The following CTH variants were observed in gnomAD, a reference collection of about 807,000 sequenced individuals.
CTH encodes the protein cystathionase (cystathionine gamma-lyase).
In CTH, 41 loss-of-function variants were observed where a neutral mutation model predicts 50.6. The ratio of observed to expected loss-of-function variants is 0.81; its 90% CI spans 0.63 to 1.05. CTH has a LOEUF of 1.05. Among genes scored for constraint, CTH ranks in the 50% least tolerant of loss-of-function variants. The pLI is 0.00. For missense variants in CTH, 470 were observed against 492.6 expected, an observed-to-expected ratio of 0.95 and a Z score of 0.43; for synonymous variants, 156 against 168.9, an observed-to-expected ratio of 0.92 and a Z score of 0.59.
At chr1:70,424,169 T>G in intron 4 of CTH, 116 bp from the exon 5 acceptor site, 1 of 1,574,342 alleles carries the variant, frequency 6.4e-7, no homozygotes, top group Non-Finnish European at 8.7e-7. Context: ...CCTCCCAACA[T>G]CATCATCCAT....
chr1:70,418,808 T>G (rs1235709966), intron 3 of CTH, among the ~76,000 whole-genome samples: 1 of 152,172 alleles, frequency 6.6e-6, no homozygotes, highest in Non-Finnish European at 1.5e-5. Flanking sequence ...GATATGGGCC[T>G]CTTTTCCCAA....
intron 10 of CTH, among the ~76,000 whole-genome samples, chr1:70,437,711 A>G (rs959135130): frequency 2.6e-5 from 4 of 152,224 alleles, no homozygotes; most frequent in Admixed American, 2.0e-4. Context: ...AAAGTGACAA[A>G]GGAAGATATC....
At chr1:70,421,017 TA>T (rs1684208888) in intron 3 of CTH, among the ~76,000 whole-genome samples, 1 of 152,160 alleles carries the variant, frequency 6.6e-6, no homozygotes, top group Non-Finnish European at 1.5e-5. Context: ...GGTGTATTTA[TA>T]AAAAATTATT....
At chr1:70,436,293 A>C (rs997880396) in intron 10 of CTH, among the ~76,000 whole-genome samples, 2 of 152,276 alleles carry the variant, frequency 1.3e-5, no homozygotes, top group East Asian at 1.9e-4. Flanking sequence ...GCACCACTGC[A>C]CTCCAGCCTG....
Position 70,438,386 on chromosome 1 carries a change from T to C in CTH, c.1053-302T>C, listed in dbSNP as rs35356635. Among the ~76,000 whole-genome samples, 16 of 152,318 alleles carry C rather than the reference T, an allele frequency of 1.1e-4. No individual in the cohort carries two copies. In the East Asian group the frequency reaches 2.9e-3, roughly 28 times the overall value. On this transcript the variant is annotated intron_variant, in intron 10 of 11. Coordinates refer to ENST00000370938, the MANE Select transcript of CTH (RefSeq NM_001902.6). ...TTAGGCAGGTATTAAAATATACACA[T>C]TGGGGAGGCTATGCCTTACCCTACT...
chr1:70,432,132 T>C lies in CTH; in HGVS notation c.774T>C (p.Gly258=). 2.5e-6 allele frequency: 4 copies of C among 1,614,124 alleles called. No individual in the cohort carries two copies. The highest frequency in any genetic ancestry group is 3.4e-6 in the Non-Finnish European group (4 of 1,180,006). The part of the protein sequence containing the change: ...SPIDCYLCNR[G]LKTLHVRMEK... ...TTGATTGTTACCTCTGCAATCGAGG[T>C]CTGAAGACTCTACATGTCCGAATGG... The change falls in exon 8 of 12, where the codon GGT becomes GGC. Residue 258 remains glycine (G), a synonymous_variant. Coordinates refer to ENST00000370938, the MANE Select transcript of CTH (RefSeq NM_001902.6).
At chr1:70,418,112 T>C (rs1684133159) in intron 3 of CTH, 80 bp downstream of exon 3, 2 of 1,493,688 alleles carry the variant, frequency 1.3e-6, no homozygotes, top group Non-Finnish European at 1.9e-6. Flanking sequence ...ATATTAACAA[T>C]GTTGCCAGTA....
chr1:70,427,808 G>A (rs969308347), intron 5 of CTH, among the ~76,000 whole-genome samples: 3 of 152,142 alleles, frequency 2.0e-5, no homozygotes, highest in Non-Finnish European at 4.4e-5. Flanking sequence ...CGCCTCCCCG[G>A]TTCAAGCAAT....
At chr1:70,421,784 T>C (rs561997898) in intron 4 of CTH, 109 bp downstream of exon 4, 3 of 1,163,012 alleles carry the variant, frequency 2.6e-6, no homozygotes, top group African/African-American at 3.1e-5. Context: ...TTTTATTTTA[T>C]GCCATTGGAA....
At chr1:70,416,180 G>T in intron 2 of CTH, 143 bp downstream of exon 2, 2 of 653,970 alleles carry the variant, frequency 3.1e-6, no homozygotes, top group South Asian at 1.7e-5. Flanking sequence ...TTTGCCCAAG[G>T]TCCCTCAGTT....
Position 70,439,205 on chromosome 1 carries a change from C to A in CTH, c.*78C>A, listed in dbSNP as rs1003668291. 1.1e-5 allele frequency: 15 copies of A among 1,385,542 alleles called. No individual in the cohort carries two copies. The highest frequency in any genetic ancestry group is 8.2e-5 in the South Asian group (7 of 85,474). 85.8% of individuals were successfully genotyped at this position (1,385,542 alleles called of 1,614,324 possible). Reference sequence around the variant, plus strand: ...AGTAATTAAATGGACCAACAATGAGCCTTTGCAAAATTTTCAAGCGGAAAT... The same window carrying A: ...AGTAATTAAATGGACCAACAATGAGACTTTGCAAAATTTTCAAGCGGAAAT... On this transcript the variant is annotated 3_prime_UTR_variant, in exon 12 of 12. Transcript: ENST00000370938.
chr1:70,435,108 T>A lies in CTH; in HGVS notation c.1000-17T>A. The stretch of plus-strand genomic sequence containing the variant: ...TATTTTACTAGAAAATCTAAATTCA[T>A]GTTTTCTTTGCTATAGCTATTTACT... On this transcript the variant is annotated splice_polypyrimidine_tract_variant and intron_variant, in intron 9 of 11. Transcript: ENST00000370938. The A allele has an allele frequency of 6.2e-7, 1 of 1,607,210 alleles. No homozygotes were observed. Among genetic ancestry groups the A allele is most frequent in the Non-Finnish European group, 8.5e-7 (1 of 1,175,786 alleles).
chr1:70,421,426 AC>A, intron 3 of CTH, 139 bp from the exon 4 acceptor site: 1 of 857,420 alleles, frequency 1.2e-6, no homozygotes, highest in Non-Finnish European at 1.9e-6. Context: ...AAACTATTTA[AC>A]CAAACTAGAA....
chr1:70,430,450 T>A (rs1468172794), intron 7 of CTH, 56 bp downstream of exon 7: 1 of 858,030 alleles, frequency 1.2e-6, no homozygotes, highest in Non-Finnish European at 2.0e-6. Flanking sequence ...ACATTTGATA[T>A]TTGTATTTCC....
chr1:70,434,507 G>C (rs572630720), intron 9 of CTH, among the ~76,000 whole-genome samples: 6 of 152,130 alleles, frequency 3.9e-5, no homozygotes, highest in African/African-American at 1.2e-4. Context: ...AGTGTTCCTG[G>C]TGTCACCTTA....
At chr1:70,425,026 G>A (rs984232478) in intron 5 of CTH, among the ~76,000 whole-genome samples, 5 of 152,030 alleles carry the variant, frequency 3.3e-5, no homozygotes, top group African/African-American at 1.2e-4. Flanking sequence ...GCATAGTAAG[G>A]ACTTGAATGT....
chr1:70,424,833 G>A (rs1262195626), intron 5 of CTH, among the ~76,000 whole-genome samples: 2 of 152,110 alleles, frequency 1.3e-5, no homozygotes, highest in African/African-American at 4.8e-5. Context: ...GGAGGCTGAG[G>A]CAGGAGAATG....
intron 8 of CTH, among the ~76,000 whole-genome samples, chr1:70,433,472 A>C (rs777847148): frequency 2.6e-5 from 4 of 152,186 alleles, no homozygotes; most frequent in African/African-American, 4.8e-5. Context: ...TTAGTAACAA[A>C]AGAAATGGAT....
Position 70,430,339 on chromosome 1 carries a change from C to T in CTH, c.669C>T (p.Gly223=), listed in dbSNP as rs776112861. Residue 223 remains glycine (G), a synonymous_variant, in exon 7 of 12, where the codon GGC becomes GGT. Transcript: ENST00000370938. The part of the protein sequence containing the change: ...YMNGHSDVVM[G]LVSVNCESLH... ...TAGGCCACAGTGATGTTGTAATGGG[C>T]CTGGTGTCTGTTAATTGTGAAAGCC... 6.2e-7 allele frequency: 1 copy of T among 1,600,290 alleles called. No homozygotes were observed. The highest frequency in any genetic ancestry group is 1.7e-5 in the Admixed American group (1 of 59,968).
Sources: allele counts gnomAD v4.1 joint callset (sites outside exome capture counted in the v4.1 genomes callset), GRCh38; gene constraint gnomAD v4.1.1; transcripts MANE v1.5; gene names NCBI Gene and HGNC (gene_info 2026-07-23, HGNC 2026-07-21).